The following AOPEP variants were observed in gnomAD, a reference collection of about 807,000 sequenced individuals.
AOPEP encodes the protein aminopeptidase O (putative), also known as aminopeptidase O.
A neutral mutation model predicts 98.1 loss-of-function variants in AOPEP; 77 were observed. That is an observed-to-expected ratio of 0.78 (90% CI 0.65 to 0.95). The LOEUF (loss-of-function observed/expected upper bound fraction) is 0.95, where lower values mean the gene tolerates loss of function less well. AOPEP is among the 40% of genes least tolerant of loss of function. The pLI, the probability that AOPEP is intolerant of heterozygous loss-of-function variation, is 0.00. For synonymous variants in AOPEP, 346 were observed against 365.3 expected (o/e 0.95, Z 0.60); for missense variants, 1,024 against 1,024.7 (o/e 1.00, Z 0.01).
the AOPEP span, chr9:95,126,848 A>G: frequency 2.5e-5 from 11 of 447,706 alleles, no homozygotes; most frequent in African/African-American, 1.6e-4. Flanking sequence ...CAGGCGATCC[A>G]TAATACAGAA....
chr9:95,147,518 A>G, the AOPEP span, among the ~76,000 whole-genome samples: 1 of 152,226 alleles, frequency 6.6e-6, no homozygotes, highest in Admixed American at 6.5e-5. Flanking sequence ...CTCTGTCTCA[A>G]AAAAGAAAAG....
At chr9:95,117,178 G>A in the AOPEP span, 1 of 779,614 alleles carries the variant, frequency 1.3e-6, no homozygotes. Flanking sequence ...TGGGATCCTG[G>A]GGGCTTAAAG....
chr9:95,059,780 A>G (rs2067163641), intron 13 of AOPEP, among the ~76,000 whole-genome samples: 1 of 152,140 alleles, frequency 6.6e-6, no homozygotes, highest in African/African-American at 2.4e-5. Context: ...AGCAGAGAGA[A>G]CCATGGAATT....
At chr9:94,834,660 A>G (rs1034659405) in intron 5 of AOPEP, among the ~76,000 whole-genome samples, 4 of 151,982 alleles carry the variant, frequency 2.6e-5, no homozygotes, top group African/African-American at 9.7e-5. Flanking sequence ...CACTGTGGTG[A>G]CGTGCACCTG....
At chr9:94,987,007 T>C (rs1385936282) in intron 11 of AOPEP, among the ~76,000 whole-genome samples, 1 of 152,206 alleles carries the variant, frequency 6.6e-6, no homozygotes, top group Non-Finnish European at 1.5e-5. Flanking sequence ...CCAGACCAGA[T>C]GGATGATATT....
chr9:94,856,130 C>T (rs919722246), intron 5 of AOPEP, among the ~76,000 whole-genome samples: 1 of 152,160 alleles, frequency 6.6e-6, no homozygotes, highest in Non-Finnish European at 1.5e-5. Flanking sequence ...TGGGAATGTG[C>T]CATGTCTGTG....
the AOPEP span, among the ~76,000 whole-genome samples, chr9:95,108,806 A>G: frequency 5.9e-4 from 90 of 152,224 alleles, 1 homozygote; most frequent in Admixed American, 5.3e-3. Context: ...CACTGAGACC[A>G]TACCACTCAC....
At chr9:95,121,950 C>T in the AOPEP span, among the ~76,000 whole-genome samples, 1 of 151,810 alleles carries the variant, frequency 6.6e-6, no homozygotes, top group South Asian at 2.1e-4. Flanking sequence ...CTCCGCCTCC[C>T]GGGTTCATGC....
the AOPEP span, chr9:95,100,667 G>A: frequency 4.4e-6 from 1 of 229,176 alleles, no homozygotes; most frequent in Admixed American, 5.7e-5. Context: ...GTCTCGCTCT[G>A]TTGCCCAGGC....
intron 5 of AOPEP, among the ~76,000 whole-genome samples, chr9:94,867,402 GT>G (rs2045828364): frequency 6.6e-6 from 1 of 152,138 alleles, no homozygotes; most frequent in African/African-American, 2.4e-5. Flanking sequence ...TCCCTGGCCT[GT>G]TTGCTTTCAG....
chr9:94,992,961 C>G (rs1027141304), intron 11 of AOPEP, among the ~76,000 whole-genome samples: 4 of 152,168 alleles, frequency 2.6e-5, no homozygotes, highest in Non-Finnish European at 5.9e-5. Flanking sequence ...GTTACACTAT[C>G]TGGGAACCCT....
chr9:94,991,434 G>A (rs956399543), intron 11 of AOPEP, among the ~76,000 whole-genome samples: 1 of 152,176 alleles, frequency 6.6e-6, no homozygotes, highest in African/African-American at 2.4e-5. Flanking sequence ...TTCTTACTGG[G>A]GGAGCGGAGC....
chr9:94,896,913 T>G (rs2049653435), intron 5 of AOPEP, among the ~76,000 whole-genome samples: 1 of 144,344 alleles, frequency 6.9e-6, no homozygotes, highest in Admixed American at 6.8e-5. Context: ...TTTGTGGGTT[T>G]TTTTTTTTTT....
chr9:94,786,829 G>A (rs1437807702), intron 3 of AOPEP, among the ~76,000 whole-genome samples: 1 of 152,192 alleles, frequency 6.6e-6, no homozygotes, highest in Non-Finnish European at 1.5e-5. Flanking sequence ...AGTTTGACAA[G>A]GAATTGGGTT....
At chr9:95,001,704 A>G (rs181246240) in intron 11 of AOPEP, among the ~76,000 whole-genome samples, 1 of 152,364 alleles carries the variant, frequency 6.6e-6, no homozygotes, top group East Asian at 1.9e-4. Flanking sequence ...ATGCTGGAAT[A>G]TAATTTTAGT....
chr9:94,966,510 A>G (rs1389986332), intron 9 of AOPEP, among the ~76,000 whole-genome samples: 2 of 152,210 alleles, frequency 1.3e-5, no homozygotes, highest in African/African-American at 4.8e-5. Flanking sequence ...ATTATTTTCT[A>G]TTTATTAAAA....
the AOPEP span, among the ~76,000 whole-genome samples, chr9:95,118,937 A>G: frequency 6.6e-6 from 1 of 152,228 alleles, no homozygotes; most frequent in African/African-American, 2.4e-5. Flanking sequence ...TGCCATCGGA[A>G]TGGAACTGCT....
chr9:94,925,683 G>A (rs1006070042), intron 6 of AOPEP, among the ~76,000 whole-genome samples: 1 of 152,202 alleles, frequency 6.6e-6, no homozygotes, highest in Non-Finnish European at 1.5e-5. Context: ...CCAGCAGTGT[G>A]CACATCAGTG....
intron 5 of AOPEP, among the ~76,000 whole-genome samples, chr9:94,813,559 A>G (rs1475942686): frequency 6.6e-6 from 1 of 152,196 alleles, no homozygotes; most frequent in Non-Finnish European, 1.5e-5. Flanking sequence ...CTTGCTACTC[A>G]GAGAGACCTC....
Sources: allele counts gnomAD v4.1 joint callset (sites outside exome capture counted in the v4.1 genomes callset), GRCh38; gene constraint gnomAD v4.1.1; transcripts MANE v1.5; gene names NCBI Gene and HGNC (gene_info 2026-07-23, HGNC 2026-07-21).